The following CDCP2 variants were observed in gnomAD, a reference collection of about 807,000 sequenced individuals.
The protein encoded by CDCP2 is CUB domain-containing protein 2.
In CDCP2, 31 loss-of-function variants were observed where a neutral mutation model predicts 31.0. The observed-to-expected ratio is 1.00, with a 90% CI of 0.75 to 1.35. The LOEUF is 1.35. Among genes scored for constraint, CDCP2 ranks in the 40% most tolerant of loss-of-function variants. The pLI, the probability that CDCP2 is intolerant of heterozygous loss-of-function variation, is 0.00. For synonymous variants in CDCP2, 206 were observed against 207.9 expected (o/e 0.99, Z 0.08); for missense variants, 443 against 482.6 (o/e 0.92, Z 0.77).
At chr1:54,139,137 A>C (rs1659308976) in intron 4 of CDCP2, 3 of 185,778 alleles carry the variant, frequency 1.6e-5, no homozygotes, top group Admixed American at 1.6e-4. Flanking sequence ...AGCCATTTGC[A>C]GCTGGCACTT....
intron 1 of CDCP2, 140 bp from the exon 2 acceptor site, chr1:54,144,953 A>G: frequency 1.6e-6 from 1 of 624,444 alleles, no homozygotes; most frequent in Admixed American, 3.0e-5. Context: ...TTGCTCATGC[A>G]TCTACTTATT....
At chr1:54,152,987 C>G (rs1400065279), upstream of CDCP2, 4 of 1,499,150 alleles carry the variant, frequency 2.7e-6, no homozygotes, top group Non-Finnish European at 3.7e-6. Flanking sequence ...GGGTCCGGAG[C>G]AAGGGAAAGA....
At chr1:54,134,308 C>T (rs1340924914) in intron 5 of CDCP2, among the ~76,000 whole-genome samples, 1 of 152,222 alleles carries the variant, frequency 6.6e-6, no homozygotes, top group Non-Finnish European at 1.5e-5. Context: ...CTGGCCACCC[C>T]AGGGACAGCA....
At position 54,144,549 on chromosome 1, in the gene CDCP2, G is replaced by T. The variant is rs149489571; in HGVS notation, c.344C>A (p.Thr115Asn). 34 of 1,613,420 alleles carry T rather than the reference G, an allele frequency of 2.1e-5. No individual in the cohort carries two copies. Among genetic ancestry groups the T allele is most frequent in the Non-Finnish European group, 2.7e-5 (32 of 1,179,586 alleles). Reference sequence around the variant, plus strand: ...GACAGACATGACATGCCAGGAGGAGGTGAAGGGCGGCGGGGGCACCTTGCC... The same window carrying T: ...GACAGACATGACATGCCAGGAGGAGTTGAAGGGCGGCGGGGGCACCTTGCC... The change falls in exon 2 of 6, where the codon ACC (threonine) becomes AAC (asparagine). Residue 115 changes from threonine (T) to asparagine (N), a missense_variant. Physicochemically the swap from Thr to Asn is moderately conservative, Grantham distance 65. Coordinates refer to ENST00000530059, the Ensembl canonical transcript of CDCP2.
chr1:54,137,383 C>A (rs902501976), intron 4 of CDCP2, among the ~76,000 whole-genome samples: 2 of 152,026 alleles, frequency 1.3e-5, no homozygotes, highest in East Asian at 1.9e-4. Flanking sequence ...TAGAGCGAAT[C>A]GGAACTGGGG....
At chr1:54,141,004 G>T in intron 3 of CDCP2, 94 bp downstream of exon 3, 1 of 1,071,618 alleles carries the variant, frequency 9.3e-7, no homozygotes. Flanking sequence ...CAAGGCTGCG[G>T]GGGGCAGAAA....
At chr1:54,141,528 AG>A in intron 2 of CDCP2, 95 bp from the exon 3 acceptor site, 1 of 1,098,322 alleles carries the variant, frequency 9.1e-7, no homozygotes, top group Admixed American at 2.7e-5. Flanking sequence ...CTGCCCCCAC[AG>A]GTATCTCATT....
At chr1:54,143,403 T>C (rs996992876) in intron 2 of CDCP2, 2 of 137,392 alleles carry the variant, frequency 1.5e-5, no homozygotes, top group African/African-American at 5.5e-5. Flanking sequence ...ACATTGCCTT[T>C]ATTTTTTATT....
At chr1:54,152,958 C>T (rs766425002), upstream of CDCP2, 3 of 1,597,762 alleles carry the variant, frequency 1.9e-6, no homozygotes, top group Non-Finnish European at 2.6e-6. Context: ...CTGCCGAGCT[C>T]AGGTAGGCCA....
At chr1:54,139,682 A>C in intron 4 of CDCP2, 71 bp downstream of exon 4, 1 of 1,614,046 alleles carries the variant, frequency 6.2e-7, no homozygotes, top group Non-Finnish European at 8.5e-7. Flanking sequence ...TGGAGGAAGG[A>C]GACTGCAAAG....
intron 1 of CDCP2, among the ~76,000 whole-genome samples, chr1:54,145,932 G>C (rs1659460079): frequency 6.6e-6 from 1 of 152,012 alleles, no homozygotes; most frequent in African/African-American, 2.4e-5. Flanking sequence ...TACCAACTTG[G>C]AGACACAGTC....
chr1:54,140,244 C>G, intron 3 of CDCP2, 138 bp from the exon 4 acceptor site: 2 of 700,168 alleles, frequency 2.9e-6, no homozygotes, highest in Admixed American at 2.3e-5. Context: ...GGCTAGCACA[C>G]CAGACAATTG....
exon 3 of CDCP2, chr1:54,141,422 C>T (rs746921413): frequency 1.1e-5 from 17 of 1,604,682 alleles, no homozygotes; most frequent in Admixed American, 8.5e-5. Context: ...GTCAGGACGC[C>T]GCCACACACA....
chr1:54,133,222 G>A (rs554402455), exon 6 of CDCP2: 121 of 399,148 alleles, frequency 3.0e-4, no homozygotes, highest in African/African-American at 2.0e-3. Flanking sequence ...TCGTACTCAT[G>A]GATGTCCTCC....
chr1:54,152,931 C>T (rs1321318167), upstream of CDCP2: 6 of 1,613,944 alleles, frequency 3.7e-6, no homozygotes, highest in South Asian at 6.6e-5. Context: ...ATCTCCTCAC[C>T]AGGGGCCCCC....
chr1:54,146,581 A>G (rs1341937708), intron 1 of CDCP2, among the ~76,000 whole-genome samples: 1 of 151,918 alleles, frequency 6.6e-6, no homozygotes, highest in Non-Finnish European at 1.5e-5. Flanking sequence ...TTAAAAATTT[A>G]TTTCCTAGTT....
intron 4 of CDCP2, 106 bp downstream of exon 4, chr1:54,139,647 G>GGGT: frequency 2.5e-6 from 3 of 1,223,096 alleles, no homozygotes; most frequent in East Asian, 2.5e-5. Context: ...ACCATTCATG[G>GGGT]GGGGGGCAGG....
exon 2 of CDCP2, chr1:54,144,598 C>A: frequency 6.2e-7 from 1 of 1,614,216 alleles, no homozygotes; most frequent in South Asian, 1.1e-5. Flanking sequence ...AGCAGGTTGC[C>A]CTTGTCTGGT....
At chr1:54,139,702 G>A (rs1659325716) in intron 4 of CDCP2, 51 bp downstream of exon 4, 1 of 1,614,098 alleles carries the variant, frequency 6.2e-7, no homozygotes, top group Non-Finnish European at 8.5e-7. Flanking sequence ...GACTGAGGCT[G>A]CAAAGCCTCC....
Sources: gnomAD v4.1 joint callset for allele counts (sites outside exome capture counted in the v4.1 genomes callset) on GRCh38, gnomAD v4.1.1 for gene constraint, MANE v1.5 for transcripts, NCBI Gene and HGNC (gene_info 2026-07-23, HGNC 2026-07-21) for gene names.